The following RGPD2 variants were observed in gnomAD, a reference collection of about 807,000 sequenced individuals.
The protein encoded by RGPD2 is RANBP2-like and GRIP domain-containing protein 2.
In RGPD2, 2 loss-of-function variants were observed where a neutral mutation model predicts 36.0. The ratio of observed to expected loss-of-function variants is 0.06; its 90% CI spans 0.02 to 0.17. RGPD2 has a LOEUF of 0.17. RGPD2 is among the 10% of genes least tolerant of loss of function. RGPD2 has a pLI of 1.00. For synonymous variants in RGPD2, 19 were observed against 163.8 expected (o/e 0.12, Z 6.75); for missense variants, 40 against 464.3 (o/e 0.09, Z 8.40).
chr2:87,962,339 A>G, the RGPD2 span, among the ~76,000 whole-genome samples: 5 of 151,840 alleles, frequency 3.3e-5, no homozygotes, highest in African/African-American at 4.8e-5. Flanking sequence ...AATTTGGGCT[A>G]TTTTGGTTGT....
the RGPD2 span, chr2:87,972,812 T>A: frequency 6.2e-7 from 1 of 1,611,814 alleles, no homozygotes; most frequent in Non-Finnish European, 8.5e-7. Context: ...CTGCACCTAC[T>A]ACTATGAGCT....
the RGPD2 span, among the ~76,000 whole-genome samples, chr2:87,973,641 C>T: frequency 2.9e-5 from 4 of 138,288 alleles, no homozygotes; most frequent in African/African-American, 7.8e-5. Flanking sequence ...AGCTTTACCC[C>T]CGCAAGACAT....
chr2:87,760,615 CTCTT>C (rs1401754417), intron 22 of RGPD2, among the ~76,000 whole-genome samples: 4 of 12,906 alleles, frequency 3.1e-4, no homozygotes, highest in Non-Finnish European at 5.8e-4. Context: ...CTGTTTCTTT[CTCTT>C]TTTTTTTTTT....
rs1685458797 is a variant in RGPD2, at chr2:87,782,765, AC to A, written c.4258del (p.Val1420CysfsTer14). The A allele has an allele frequency of 7.2e-7, 1 of 1,392,300 alleles. No individual in the cohort carries two copies. The highest frequency in any genetic ancestry group is 1.9e-5 in the African/African-American group (1 of 52,412). The allele number at this position is 1,392,300 out of a possible 1,614,324, so 86.2% of individuals were successfully genotyped here. A position where few individuals can be genotyped will look rare whatever the true frequency, so the allele number is the denominator to read the frequency against. ...QNMKGTERVWVWTACDFADGE... is the reference protein window; with the variant it reads ...QNMKGTERVWXWTACDFADGE... ...ATCTGCAAAATCACATGCAGTCCACACCCATACTCTTTCTGTCCCTTTCATA... is the reference window on the plus strand; with the variant it reads ...ATCTGCAAAATCACATGCAGTCCACACCATACTCTTTCTGTCCCTTTCATA... On this transcript the variant is annotated frameshift_variant, in exon 20 of 23. Coordinates refer to ENST00000398146, the MANE Select transcript of RGPD2 (RefSeq NM_001078170.3). LOFTEE classifies it high-confidence loss of function.
At chr2:87,824,794 GGCCGCC>G (rs1248753223) in intron 1 of RGPD2, 1 of 21,318 alleles carries the variant, frequency 4.7e-5, no homozygotes, top group Non-Finnish European at 8.4e-5. Flanking sequence ...CCGAGGCCGA[GGCCGCC>G]GCCGCCGCCG....
At chr2:87,836,177 T>G in the RGPD2 span, among the ~76,000 whole-genome samples, 1 of 151,082 alleles carries the variant, frequency 6.6e-6, no homozygotes, top group Non-Finnish European at 1.5e-5. Context: ...ACATAGTCCT[T>G]GATCCTCCAA....
chr2:87,861,609 C>A, the RGPD2 span, among the ~76,000 whole-genome samples: 10 of 152,152 alleles, frequency 6.6e-5, no homozygotes, highest in Non-Finnish European at 1.5e-4. Context: ...GATCAAGGAT[C>A]TAAATGGTAG....
At chr2:87,805,853 C>G (rs1286432088) in intron 7 of RGPD2, among the ~76,000 whole-genome samples, 1 of 129,266 alleles carries the variant, frequency 7.7e-6, no homozygotes, top group South Asian at 2.5e-4. Context: ...GAGCGAGACT[C>G]CGTCTCAAAA....
At chr2:87,839,689 A>G in the RGPD2 span, among the ~76,000 whole-genome samples, 1 of 152,080 alleles carries the variant, frequency 6.6e-6, no homozygotes, top group Admixed American at 6.6e-5. Flanking sequence ...CAAATACCAC[A>G]TATTCTCACT....
chr2:87,818,020 TAAAAA>T (rs1175812254), intron 2 of RGPD2, among the ~76,000 whole-genome samples: 1 of 65,334 alleles, frequency 1.5e-5, no homozygotes, highest in African/African-American at 4.9e-5. Flanking sequence ...AGATACTGAC[TAAAAA>T]AAAAAAAAAA....
Position 87,809,148 on chromosome 2 carries a change from AC to A in RGPD2, c.780-2258del, listed in dbSNP as rs1314147092. On this transcript the variant is annotated intron_variant, in intron 6 of 22. Transcript: ENST00000398146. ...GTGAAACCCCATCTCTACTAAAAAT[AC>A]AAAAAATTAGCTGGGTGTGGTGGCG... Among the ~76,000 whole-genome samples the A allele has an allele frequency of 3.3e-5, 5 of 150,060 alleles. No individual in the cohort carries two copies. The East Asian group carries it at 1.0e-3, about 30-fold the overall frequency.
chr2:87,763,236 C>G (rs1293964449), intron 22 of RGPD2, among the ~76,000 whole-genome samples: 2 of 142,684 alleles, frequency 1.4e-5, no homozygotes, highest in African/African-American at 5.4e-5. Context: ...CAGCTCACTG[C>G]AAGCTCCGCC....
At chr2:87,976,446 T>C in the RGPD2 span, among the ~76,000 whole-genome samples, 6 of 152,118 alleles carry the variant, frequency 3.9e-5, no homozygotes, top group Admixed American at 6.5e-5. Flanking sequence ...CTCTCTCAAA[T>C]GTAACACATT....
At chr2:87,866,536 C>T in the RGPD2 span, among the ~76,000 whole-genome samples, 5 of 152,284 alleles carry the variant, frequency 3.3e-5, no homozygotes, top group South Asian at 8.3e-4. Flanking sequence ...TTTGGCCTAG[C>T]CACCACATAT....
At chr2:87,830,553 A>G (rs1672466103), upstream of RGPD2, among the ~76,000 whole-genome samples, 1 of 152,120 alleles carries the variant, frequency 6.6e-6, no homozygotes, top group African/African-American at 2.4e-5. Flanking sequence ...TCAGTATCTT[A>G]ATAGCAGTAC....
At chr2:87,965,818 C>CA in the RGPD2 span, among the ~76,000 whole-genome samples, 4 of 124,152 alleles carry the variant, frequency 3.2e-5, no homozygotes, top group African/African-American at 1.1e-4. Flanking sequence ...ATGGGGGTTA[C>CA]AAAAGTTGAA....
the RGPD2 span, among the ~76,000 whole-genome samples, chr2:87,849,475 A>T: frequency 6.6e-6 from 1 of 152,064 alleles, no homozygotes. Flanking sequence ...TTTTTCCAAA[A>T]CATTATCATA....
chr2:87,884,287 G>A, the RGPD2 span, among the ~76,000 whole-genome samples: 1 of 151,914 alleles, frequency 6.6e-6, no homozygotes, highest in Non-Finnish European at 1.5e-5. Context: ...CTTATGGGAT[G>A]CAGCAAAAGT....
At chr2:87,832,355 G>A in the RGPD2 span, among the ~76,000 whole-genome samples, 32 of 150,970 alleles carry the variant, frequency 2.1e-4, no homozygotes, top group Admixed American at 2.6e-4. Context: ...GCAAACTGTC[G>A]GAACAATTAG....
Sources: gnomAD v4.1 joint callset for allele counts (sites outside exome capture counted in the v4.1 genomes callset) on GRCh38, gnomAD v4.1.1 for gene constraint, MANE v1.5 for transcripts, NCBI Gene and HGNC (gene_info 2026-07-23, HGNC 2026-07-21) for gene names.